Variants in RUNX2 observed in about 807,000 individuals in gnomAD.
RUNX2 encodes the protein RUNX family transcription factor 2, also known as runt-related transcription factor 2.
A neutral mutation model predicts 51.7 loss-of-function variants in RUNX2; 10 were observed. The ratio of observed to expected loss-of-function variants is 0.19; its 90% CI spans 0.12 to 0.33. RUNX2 has a LOEUF of 0.33. Ranked by LOEUF, RUNX2 falls within the 10% of genes least tolerant of loss-of-function variation. The probability of loss-of-function intolerance (pLI) is 1.00; values close to 1 mark genes in which losing one functional copy is unlikely to be tolerated. For synonymous variants in RUNX2, 276 were observed against 273.6 expected, an observed-to-expected ratio of 1.01 and a Z score of -0.09; for missense variants, 562 against 691.3, an observed-to-expected ratio of 0.81 and a Z score of 2.10.
intron 2 of RUNX2, among the ~76,000 whole-genome samples, chr6:45,418,077 A>G (rs1394504684): frequency 6.6e-6 from 1 of 152,220 alleles, no homozygotes; most frequent in African/African-American, 2.4e-5. Flanking sequence ...GGGATCATCA[A>G]TGTGCCCATA....
At chr6:45,451,809 TTC>T (rs1186204357) in intron 5 of RUNX2, among the ~76,000 whole-genome samples, 1 of 152,190 alleles carries the variant, frequency 6.6e-6, no homozygotes, top group Non-Finnish European at 1.5e-5. Flanking sequence ...ATTTTAGTGA[TTC>T]TCTGTGTGTT....
Position 45,548,868 on chromosome 6 carries a change from A to G in RUNX2, c.*1563A>G, listed in dbSNP as rs1374353104. 8 of 321,722 alleles carry G rather than the reference A, an allele frequency of 2.5e-5. No individual in the cohort carries two copies. Among genetic ancestry groups the G allele is most frequent in the Middle Eastern group, 7.9e-4 (1 of 1,264 alleles). The allele number at this position is 321,722 out of a possible 1,614,324, so 19.9% of individuals were successfully genotyped here. A position where few individuals can be genotyped will look rare whatever the true frequency, so the allele number is the denominator to read the frequency against. On this transcript the variant is annotated 3_prime_UTR_variant, in exon 9 of 9. Coordinates refer to ENST00000647337, the MANE Select transcript of RUNX2 (RefSeq NM_001024630.4). ...CAAGGCCCCACTGGCAGCTTTCCAC[A>G]GAATTTGCATTTAGAGGAGCAGAAT... is the stretch of plus-strand genomic sequence containing the variant.
At position 45,490,117 on chromosome 6, in the gene RUNX2, T is replaced by C. The variant is rs574294049; in HGVS notation, c.686-1824T>C. Among the ~76,000 whole-genome samples, 76 of 152,290 alleles carry C rather than the reference T, an allele frequency of 5.0e-4. No individual in the cohort carries two copies. In the South Asian group the frequency reaches 7.0e-3, roughly 14 times the overall value. ...TCAGCTAGTCGGCAGCCGAGGACCATAAGCTAGTTGTTCTACCTCTGCAGG... is the reference window on the plus strand; with the variant it reads ...TCAGCTAGTCGGCAGCCGAGGACCACAAGCTAGTTGTTCTACCTCTGCAGG... On this transcript the variant is annotated intron_variant, in intron 5 of 8. Transcript: ENST00000647337.
At chr6:45,425,453 A>G (rs1288017402) in intron 3 of RUNX2, among the ~76,000 whole-genome samples, 1 of 152,242 alleles carries the variant, frequency 6.6e-6, no homozygotes, top group Non-Finnish European at 1.5e-5. Flanking sequence ...AGCAGTAAAC[A>G]GACCGTAGGT....
At chr6:45,479,369 C>T (rs770911129) in intron 5 of RUNX2, among the ~76,000 whole-genome samples, 4 of 152,072 alleles carry the variant, frequency 2.6e-5, no homozygotes, top group Non-Finnish European at 2.9e-5. Context: ...AAGAAAGGTA[C>T]GTTTCTATTG....
chr6:45,400,887 G>T (rs977074831), intron 2 of RUNX2, among the ~76,000 whole-genome samples: 1 of 152,166 alleles, frequency 6.6e-6, no homozygotes, highest in Non-Finnish European at 1.5e-5. Flanking sequence ...ACTGTACCTT[G>T]AAATTCATTT....
intron 7 of RUNX2, among the ~76,000 whole-genome samples, chr6:45,514,970 A>T (rs1042212892): frequency 1.3e-5 from 2 of 151,400 alleles, no homozygotes; most frequent in African/African-American, 4.9e-5. Flanking sequence ...GCTTTAGTAA[A>T]TAAAGTCCTT....
intron 2 of RUNX2, among the ~76,000 whole-genome samples, chr6:45,363,141 T>C (rs1794553462): frequency 6.6e-6 from 1 of 152,172 alleles, no homozygotes; most frequent in South Asian, 2.1e-4. Flanking sequence ...GGCCATATAG[T>C]CTCTGTCGCA....
intron 5 of RUNX2, among the ~76,000 whole-genome samples, chr6:45,457,637 A>G (rs1333720257): frequency 1.3e-5 from 2 of 152,192 alleles, no homozygotes; most frequent in Non-Finnish European, 2.9e-5. Flanking sequence ...TGCAATTTGA[A>G]TTATTATTAT....
chr6:45,371,954 A>G, intron 2 of RUNX2: 1 of 789,640 alleles, frequency 1.3e-6, no homozygotes, highest in Non-Finnish European at 1.5e-6. Context: ...TTAGTGATAC[A>G]AGCTGGGACT....
chr6:45,448,094 C>T (rs1799055550), intron 5 of RUNX2, among the ~76,000 whole-genome samples: 2 of 152,186 alleles, frequency 1.3e-5, no homozygotes, highest in Non-Finnish European at 2.9e-5. Flanking sequence ...TTCTAAGCTC[C>T]TGTCACTCTG....
intron 2 of RUNX2, among the ~76,000 whole-genome samples, chr6:45,354,427 A>C (rs938249053): frequency 2.0e-5 from 3 of 152,142 alleles, no homozygotes; most frequent in Admixed American, 6.6e-5. Flanking sequence ...TACACACCCC[A>C]AAGTGTATGC....
At chr6:45,347,405 G>A (rs1302791274) in intron 2 of RUNX2, among the ~76,000 whole-genome samples, 1 of 152,062 alleles carries the variant, frequency 6.6e-6, no homozygotes, top group East Asian at 1.9e-4. Context: ...TTTGGTGGTA[G>A]ATGTACACAA....
chr6:45,347,838 T>G (rs1791202215), intron 2 of RUNX2, among the ~76,000 whole-genome samples: 1 of 152,112 alleles, frequency 6.6e-6, no homozygotes, highest in Non-Finnish European at 1.5e-5. Flanking sequence ...GTATTCACAT[T>G]GTAATTACTA....
At chr6:45,401,808 C>T (rs1466835204) in intron 2 of RUNX2, among the ~76,000 whole-genome samples, 2 of 152,214 alleles carry the variant, frequency 1.3e-5, no homozygotes, top group Non-Finnish European at 2.9e-5. Context: ...TCTTCTCCTA[C>T]CCCAGCTGCA....
chr6:45,511,227 A>G (rs559323303), intron 6 of RUNX2, among the ~76,000 whole-genome samples: 8 of 152,166 alleles, frequency 5.3e-5, no homozygotes, highest in South Asian at 2.1e-4. Flanking sequence ...TAATAAATCT[A>G]TGTGGCCTTG....
intron 4 of RUNX2, among the ~76,000 whole-genome samples, chr6:45,433,675 A>G (rs1798604703): frequency 6.6e-6 from 1 of 152,136 alleles, no homozygotes; most frequent in African/African-American, 2.4e-5. Flanking sequence ...TACTTTGTAA[A>G]CCCTCAACAT....
intron 2 of RUNX2, among the ~76,000 whole-genome samples, chr6:45,360,660 A>C (rs546936345): frequency 6.6e-6 from 1 of 152,374 alleles, no homozygotes; most frequent in South Asian, 2.1e-4. Flanking sequence ...ACACTGCAGC[A>C]ATGAATAAAT....
intron 2 of RUNX2, among the ~76,000 whole-genome samples, chr6:45,416,320 A>T (rs1798068187): frequency 6.6e-6 from 1 of 152,120 alleles, no homozygotes. Context: ...GAGTATTATG[A>T]TTTACATTTT....
Sources: allele counts gnomAD v4.1 joint callset (sites outside exome capture counted in the v4.1 genomes callset), GRCh38; gene constraint gnomAD v4.1.1; transcripts MANE v1.5; gene names NCBI Gene and HGNC (gene_info 2026-07-23, HGNC 2026-07-21).